The following EXOC2 variants were observed in gnomAD, a reference collection of about 807,000 sequenced individuals.
The protein encoded by EXOC2 is SEC5-like 1.
In EXOC2, 70 loss-of-function variants were observed where a neutral mutation model predicts 131.8. The ratio of observed to expected loss-of-function variants is 0.53; its 90% confidence interval spans 0.44 to 0.65. The LOEUF is 0.65. Ranked by LOEUF, EXOC2 falls within the 30% of genes least tolerant of loss-of-function variation. The pLI is 0.00. For missense variants in EXOC2, 923 were observed against 1,108.6 expected, an observed-to-expected ratio of 0.83 and a Z score of 2.38; for synonymous variants, 411 against 398.4, an observed-to-expected ratio of 1.03 and a Z score of -0.38.
intron 11 of EXOC2, 70 bp downstream of exon 11, chr6:592,399 T>C (rs1178238349): frequency 1.5e-6 from 2 of 1,318,366 alleles, no homozygotes; most frequent in African/African-American, 1.5e-5. Flanking sequence ...GCCTTCATCA[T>C]TAAACATTCC....
intron 1 of EXOC2, among the ~76,000 whole-genome samples, chr6:653,491 C>T (rs757582291): frequency 1.3e-5 from 2 of 152,206 alleles, no homozygotes; most frequent in African/African-American, 2.4e-5. Context: ...CCAGCCACAA[C>T]ATTCCCTTAA....
chr6:581,877 C>A (rs1286022747), intron 11 of EXOC2, among the ~76,000 whole-genome samples: 1 of 152,026 alleles, frequency 6.6e-6, no homozygotes, highest in African/African-American at 2.4e-5. Flanking sequence ...CTCAAAATTC[C>A]TTTTCTAATT....
intron 10 of EXOC2, among the ~76,000 whole-genome samples, chr6:596,060 A>G (rs1307154292): frequency 1.3e-5 from 2 of 152,122 alleles, no homozygotes; most frequent in Admixed American, 6.5e-5. Context: ...CACCTGTACA[A>G]TGGGCACCGC....
intron 11 of EXOC2, among the ~76,000 whole-genome samples, chr6:580,934 G>A (rs753230776): frequency 1.3e-5 from 2 of 152,046 alleles, no homozygotes; most frequent in Non-Finnish European, 2.9e-5. Flanking sequence ...CTCTACACAT[G>A]GAGCAAATGT....
chr6:576,547 G>A (rs1758588098), intron 12 of EXOC2, among the ~76,000 whole-genome samples: 1 of 152,076 alleles, frequency 6.6e-6, no homozygotes, highest in East Asian at 1.9e-4. Context: ...TGCACCCAAT[G>A]ACTTAAAAAT....
chr6:499,653 G>A lies in EXOC2; in HGVS notation c.2428C>T (p.His810Tyr), dbSNP rs1170682421. 6.2e-7 allele frequency: 1 copy of A among 1,613,076 alleles called. No individual in the cohort carries two copies. The highest frequency in any genetic ancestry group is 1.1e-5 in the South Asian group (1 of 91,018). ...ATCTAATGATACTTTACCTCTGCAT[G>A]CACGGCAATTATATTCACCAGTGCT... ...KEALVNIIAV[H>Y]AEVFTISKEL... Residue 810 changes from histidine (H) to tyrosine (Y), a missense_variant, in exon 24 of 28, where the codon CAT (histidine) becomes TAT (tyrosine). Coordinates refer to ENST00000230449, the MANE Select transcript of EXOC2 (RefSeq NM_018303.6).
chr6:593,165 T>G (rs1446608181), intron 10 of EXOC2, among the ~76,000 whole-genome samples: 1 of 152,248 alleles, frequency 6.6e-6, no homozygotes, highest in Non-Finnish European at 1.5e-5. Context: ...CCTATCTACC[T>G]GATGAGCATT....
intron 19 of EXOC2, 101 bp from the exon 20 acceptor site, chr6:555,389 A>G: frequency 1.5e-6 from 1 of 663,652 alleles, no homozygotes; most frequent in Middle Eastern, 3.1e-4. Context: ...AGAATTATAT[A>G]TCTCATTAGT....
intron 24 of EXOC2, 35 bp downstream of exon 24, chr6:499,610 T>A: frequency 6.4e-7 from 1 of 1,560,120 alleles, no homozygotes; most frequent in Non-Finnish European, 8.8e-7. Context: ...TTTTTGGTTA[T>A]CCATATCTCT....
intron 1 of EXOC2, among the ~76,000 whole-genome samples, chr6:647,587 T>C (rs1762633050): frequency 7.7e-6 from 1 of 129,354 alleles, no homozygotes. Flanking sequence ...CCATATGTCC[T>C]GTGAGGTCAT....
intron 1 of EXOC2, chr6:679,101 A>G (rs527530123): frequency 6.6e-6 from 1 of 152,280 alleles, no homozygotes; most frequent in East Asian, 1.9e-4. Flanking sequence ...AAAAATCACA[A>G]CGGTGAACAC....
chr6:574,268 C>A (rs917210706), intron 12 of EXOC2, among the ~76,000 whole-genome samples: 2 of 152,144 alleles, frequency 1.3e-5, no homozygotes, highest in Non-Finnish European at 2.9e-5. Flanking sequence ...ACAAAGAGCA[C>A]CTGTGGTTGT....
intron 23 of EXOC2, among the ~76,000 whole-genome samples, chr6:516,615 T>G (rs1219259953): frequency 6.6e-6 from 1 of 152,212 alleles, no homozygotes; most frequent in Non-Finnish European, 1.5e-5. Context: ...AGGGCTAACA[T>G]TCACACCAAA....
intron 1 of EXOC2, among the ~76,000 whole-genome samples, chr6:677,934 T>TCTCTCACACA (rs111239666): frequency 2.7e-5 from 4 of 147,204 alleles, no homozygotes; most frequent in Admixed American, 6.8e-5. Context: ...TTATAATCTC[T>TCTCTCACACA]CACACACACA....
intron 1 of EXOC2, among the ~76,000 whole-genome samples, chr6:668,299 C>T (rs1336278505): frequency 1.3e-5 from 2 of 152,194 alleles, no homozygotes; most frequent in African/African-American, 2.4e-5. Flanking sequence ...ACAGTCCCCT[C>T]ATTGTCTCCC....
At chr6:668,055 C>T (rs1300600122) in intron 1 of EXOC2, among the ~76,000 whole-genome samples, 2 of 152,168 alleles carry the variant, frequency 1.3e-5, no homozygotes, top group African/African-American at 2.4e-5. Flanking sequence ...TCTATGCTCC[C>T]CTATAGAAAG....
chr6:642,714 T>C (rs970754430), intron 1 of EXOC2, among the ~76,000 whole-genome samples: 11 of 152,060 alleles, frequency 7.2e-5, no homozygotes. Context: ...AGAAATGCAA[T>C]GCAAATTCTA....
At chr6:527,177 G>A (rs1765792174) in intron 23 of EXOC2, among the ~76,000 whole-genome samples, 1 of 152,184 alleles carries the variant, frequency 6.6e-6, no homozygotes, top group African/African-American at 2.4e-5. Flanking sequence ...ATTAAACTTT[G>A]AGGTCTGTCT....
At chr6:511,613 A>G (rs1218367171) in intron 23 of EXOC2, among the ~76,000 whole-genome samples, 1 of 152,256 alleles carries the variant, frequency 6.6e-6, no homozygotes, top group Non-Finnish European at 1.5e-5. Flanking sequence ...GCACGGGGGC[A>G]TCTGGATTGA....
Sources: gnomAD v4.1 joint callset for allele counts (sites outside exome capture counted in the v4.1 genomes callset) on GRCh38, gnomAD v4.1.1 for gene constraint, MANE v1.5 for transcripts, NCBI Gene and HGNC (gene_info 2026-07-23, HGNC 2026-07-21) for gene names.